MAST2: variants seen among roughly 807,000 people sequenced by gnomAD.
MAST2 encodes microtubule-associated serine/threonine-protein kinase 2.
A neutral mutation model predicts 147.4 loss-of-function variants in MAST2; 70 were observed. That is an observed-to-expected ratio of 0.47 (90% CI 0.39 to 0.58). The LOEUF (loss-of-function observed/expected upper bound fraction) is 0.58, where lower values mean the gene tolerates loss of function less well. Ranked by LOEUF, MAST2 falls within the 20% of genes least tolerant of loss-of-function variation. The pLI is 0.00. For synonymous variants in MAST2, 869 were observed against 896.8 expected, an observed-to-expected ratio of 0.97 and a Z score of 0.55; for missense variants, 2,080 against 2,302.3, an observed-to-expected ratio of 0.90 and a Z score of 1.98.
intron 3 of MAST2, among the ~76,000 whole-genome samples, chr1:45,861,347 T>G (rs1382558847): frequency 6.6e-6 from 1 of 152,228 alleles, no homozygotes; most frequent in East Asian, 1.9e-4. Context: ...AGGTCAGTCC[T>G]TAACGCTGCT....
chr1:45,900,163 C>G (rs1360053536), intron 4 of MAST2, among the ~76,000 whole-genome samples: 5 of 85,042 alleles, frequency 5.9e-5, no homozygotes, highest in African/African-American at 1.5e-4. Context: ...GAGCGAGACT[C>G]TCTCTCTCTC....
intron 4 of MAST2, among the ~76,000 whole-genome samples, chr1:45,933,049 A>G (rs927134150): frequency 1.5e-5 from 2 of 133,178 alleles, no homozygotes; most frequent in African/African-American, 2.9e-5. Flanking sequence ...CAACTTAGTG[A>G]GACCCCATTT....
intron 3 of MAST2, among the ~76,000 whole-genome samples, chr1:45,871,353 T>C (rs1570461789): frequency 6.6e-6 from 1 of 152,116 alleles, no homozygotes; most frequent in Non-Finnish European, 1.5e-5. Context: ...TGTCTCTTAT[T>C]ACCTCCCCCA....
chr1:45,927,847 A>G (rs1557918711), intron 4 of MAST2, among the ~76,000 whole-genome samples: 1 of 152,220 alleles, frequency 6.6e-6, no homozygotes, highest in Non-Finnish European at 1.5e-5. Flanking sequence ...ATGTTTAGAG[A>G]TTGCAGTAAA....
intron 20 of MAST2, 85 bp from the exon 21 acceptor site, chr1:46,030,044 C>T (rs1328445743): frequency 1.2e-6 from 2 of 1,604,980 alleles, no homozygotes; most frequent in East Asian, 4.5e-5. Context: ...GGAGCAACTT[C>T]TCAGGGCTCT....
At chr1:45,808,986 CT>C (rs1013625824) in intron 1 of MAST2, among the ~76,000 whole-genome samples, 1 of 152,152 alleles carries the variant, frequency 6.6e-6, no homozygotes, top group Non-Finnish European at 1.5e-5. Context: ...TTAAAATTAT[CT>C]TGTTTCTCTC....
chr1:45,978,977 T>TG (rs1281118512), intron 5 of MAST2, among the ~76,000 whole-genome samples: 36 of 152,332 alleles, frequency 2.4e-4, no homozygotes, highest in African/African-American at 8.4e-4. Flanking sequence ...ACTAAAAACC[T>TG]CTAAACTGCA....
intron 4 of MAST2, among the ~76,000 whole-genome samples, chr1:45,886,958 G>GC (rs1329208507): frequency 6.6e-6 from 1 of 152,140 alleles, no homozygotes; most frequent in Non-Finnish European, 1.5e-5. Flanking sequence ...CTCCTGAGTA[G>GC]CTGGCACCAC....
intron 4 of MAST2, among the ~76,000 whole-genome samples, chr1:45,890,350 T>C (rs764730874): frequency 3.9e-5 from 6 of 152,236 alleles, no homozygotes; most frequent in Non-Finnish European, 7.3e-5. Flanking sequence ...CTTACAGTTA[T>C]GCAAACTAGT....
intron 3 of MAST2, among the ~76,000 whole-genome samples, chr1:45,867,485 T>G (rs568731782): frequency 6.6e-6 from 1 of 151,912 alleles, no homozygotes; most frequent in South Asian, 2.1e-4. Flanking sequence ...CTTGTCTATT[T>G]TGTTCAAATT....
chr1:45,904,131 G>C (rs1000696342), intron 4 of MAST2, among the ~76,000 whole-genome samples: 5 of 151,798 alleles, frequency 3.3e-5, no homozygotes. Flanking sequence ...CTCCCTAGTA[G>C]CTGGGACTAT....
Position 45,851,949 on chromosome 1 carries a change from C to CT in MAST2, c.468+22376dup, listed in dbSNP as rs563476752. Among the ~76,000 whole-genome samples the CT allele has an allele frequency of 4.7e-4, 72 of 151,678 alleles. 1 individual carries two copies. In the East Asian group the frequency reaches 0.011, roughly 24 times the overall value. ...ACTAAAATGAAAATATAGGAATTTC[C>CT]TTTTTTTTCAGTTATTTAGCCTTTA... On this transcript the variant is annotated intron_variant, in intron 3 of 28. Coordinates refer to ENST00000361297, the MANE Select transcript of MAST2 (RefSeq NM_015112.3).
intron 5 of MAST2, among the ~76,000 whole-genome samples, chr1:45,970,734 G>C (rs918448965): frequency 2.7e-5 from 4 of 145,878 alleles, no homozygotes; most frequent in African/African-American, 7.6e-5. Flanking sequence ...TCTGCTGTCT[G>C]TCTGTCCAGT....
chr1:45,914,448 CA>C (rs1652156447), intron 4 of MAST2, among the ~76,000 whole-genome samples: 1 of 152,104 alleles, frequency 6.6e-6, no homozygotes, highest in South Asian at 2.1e-4. Context: ...GTGACTTTTC[CA>C]AGAGCAGCTC....
chr1:45,938,945 T>G (rs1428377047), intron 4 of MAST2, among the ~76,000 whole-genome samples: 2 of 152,206 alleles, frequency 1.3e-5, no homozygotes, highest in African/African-American at 2.4e-5. Context: ...TTGTATGTTC[T>G]AGATACAAGC....
At chr1:46,019,415 T>C (rs1428998262) in intron 10 of MAST2, among the ~76,000 whole-genome samples, 181 bp from the exon 11 acceptor site, 1 of 152,148 alleles carries the variant, frequency 6.6e-6, no homozygotes, top group Admixed American at 6.5e-5. Flanking sequence ...AAAGCAGAAA[T>C]GGTTCCCTAT....
intron 3 of MAST2, among the ~76,000 whole-genome samples, chr1:45,843,421 C>T (rs1045263067): frequency 2.6e-5 from 4 of 152,116 alleles, no homozygotes; most frequent in Admixed American, 6.6e-5. Flanking sequence ...TTTACTTCAT[C>T]GACCCATTTT....
chr1:45,884,800 A>G (rs896532630), intron 4 of MAST2, among the ~76,000 whole-genome samples: 7 of 152,188 alleles, frequency 4.6e-5, no homozygotes, highest in Non-Finnish European at 8.8e-5. Context: ...CTTTGCCACT[A>G]ACAAATTATG....
intron 4 of MAST2, among the ~76,000 whole-genome samples, chr1:45,898,291 C>G (rs1189350058): frequency 6.6e-6 from 1 of 152,200 alleles, no homozygotes; most frequent in Admixed American, 6.5e-5. Context: ...GCACATACGT[C>G]CTTATGATCG....
Sources: gnomAD v4.1 joint callset for allele counts (sites outside exome capture counted in the v4.1 genomes callset) on GRCh38, gnomAD v4.1.1 for gene constraint, MANE v1.5 for transcripts, NCBI Gene and HGNC (gene_info 2026-07-23, HGNC 2026-07-21) for gene names.